Variants in EPHB2 observed in about 807,000 individuals in gnomAD.
EPHB2 encodes the protein ephrin type-B receptor 2.
EPHB2 carries 18 observed loss-of-function variants against 96.4 expected under a neutral mutation model. The ratio of observed to expected loss-of-function variants is 0.19; its 90% CI spans 0.13 to 0.28. The LOEUF (loss-of-function observed/expected upper bound fraction) is 0.28, where lower values mean the gene tolerates loss of function less well. Ranked by LOEUF, EPHB2 falls within the 10% of genes least tolerant of loss-of-function variation. The pLI is 1.00. For synonymous variants in EPHB2, 506 were observed against 534.1 expected (o/e 0.95, Z 0.72); for missense variants, 989 against 1,355.4 (o/e 0.73, Z 4.25).
chr1:22,816,801 A>G (rs1012631792), intron 3 of EPHB2, among the ~76,000 whole-genome samples: 2 of 152,220 alleles, frequency 1.3e-5, no homozygotes, highest in Non-Finnish European at 2.9e-5. Flanking sequence ...TGATGAGGCT[A>G]ATGGTGGCTG....
rs1257930415 is a variant in EPHB2, at chr1:22,906,786, C to G, written c.1965C>G (p.Leu655=). 6.2e-7 allele frequency: 1 copy of G among 1,614,106 alleles called. No homozygotes were observed. Among genetic ancestry groups the G allele is most frequent in the East Asian group, 2.2e-5 (1 of 44,888 alleles). The change falls in exon 11 of 16, where the codon CTC becomes CTG. Residue 655 remains leucine, a synonymous_variant. Transcript: ENST00000374630. This position sits in a 1 kb window ranked among gnomAD's most constrained non-coding sequence, Gnocchi z 4.8. Reference sequence around the variant, plus strand: ...AGATCTTTGTGGCCATCAAGACGCTCAAGTCGGGCTACACGGAGAAGCAGC... The same window carrying G: ...AGATCTTTGTGGCCATCAAGACGCTGAAGTCGGGCTACACGGAGAAGCAGC... ...KREIFVAIKT[L]KSGYTEKQRR...
chr1:22,733,191 G>A lies in EPHB2; in HGVS notation c.61+22148G>A, dbSNP rs941089107. The stretch of plus-strand genomic sequence containing the variant: ...AGCCTCCTGAGTAGCTGGGATTACA[G>A]GTGCCTGCCACCACGCCTGGCTGAT... On this transcript the variant is annotated intron_variant, in intron 1 of 15. Transcript: ENST00000374630. This position sits in a 1 kb window ranked among gnomAD's most constrained non-coding sequence, Gnocchi z 4.6. Among the ~76,000 whole-genome samples the A allele has an allele frequency of 1.3e-5, 2 of 152,160 alleles. No individual in the cohort carries two copies. Among genetic ancestry groups the A allele is most frequent in the South Asian group, 2.1e-4 (1 of 4,832 alleles).
At chr1:22,828,373 C>A (rs1645254760) in intron 3 of EPHB2, among the ~76,000 whole-genome samples, 1 of 152,146 alleles carries the variant, frequency 6.6e-6, no homozygotes, top group Non-Finnish European at 1.5e-5. Flanking sequence ...GCATCCGGGC[C>A]CCTCCAGCTC....
Position 22,906,575 on chromosome 1 carries a change from G to A in EPHB2, c.1889-135G>A, listed in dbSNP as rs1356183070. The A allele has an allele frequency of 7.3e-7, 1 of 1,375,584 alleles. No homozygotes were observed. Among genetic ancestry groups the A allele is most frequent in the African/African-American group, 1.4e-5 (1 of 69,970 alleles). 85.2% of individuals were successfully genotyped at this position (1,375,584 alleles called of 1,614,324 possible). On this transcript the variant is annotated intron_variant, in intron 10 of 15. Transcript: ENST00000374630. The surrounding 1 kb of genome is among the most constrained non-coding windows in gnomAD (Gnocchi z 4.8). ...CCCCTGACATTCTTGAAGGGGTTCT[G>A]TGTCTGCAAGGATGAGTGGGCCATT... is the stretch of plus-strand genomic sequence containing the variant.
chr1:22,901,815 G>A (rs1449893043), intron 9 of EPHB2, among the ~76,000 whole-genome samples: 1 of 132,500 alleles, frequency 7.5e-6, no homozygotes, highest in Non-Finnish European at 1.6e-5. Context: ...GTGTGTGTGT[G>A]TGTGAGTGTG....
At chr1:22,740,552 C>T (rs1374414488) in intron 1 of EPHB2, among the ~76,000 whole-genome samples, 4 of 152,168 alleles carry the variant, frequency 2.6e-5, no homozygotes, top group Admixed American at 6.5e-5. Flanking sequence ...ATCATCACTG[C>T]GACAACCACA....
chr1:22,762,929 G>T (rs940623649), intron 1 of EPHB2, among the ~76,000 whole-genome samples: 4 of 152,192 alleles, frequency 2.6e-5, no homozygotes, highest in Non-Finnish European at 5.9e-5. Flanking sequence ...TTCCTCCCTC[G>T]TGGGTCCAGC....
chr1:22,746,870 C>A (rs1184256694), intron 1 of EPHB2, among the ~76,000 whole-genome samples: 1 of 144,910 alleles, frequency 6.9e-6, no homozygotes. Context: ...TGACCTGTGA[C>A]CCCCCGGGGG....
intron 3 of EPHB2, among the ~76,000 whole-genome samples, chr1:22,805,527 AC>A (rs1302185349): frequency 2.6e-5 from 4 of 151,722 alleles, no homozygotes; most frequent in African/African-American, 9.7e-5. Context: ...GGATGCTCTC[AC>A]CCTCTGCCCC....
At chr1:22,728,951 C>T (rs1395512597) in intron 1 of EPHB2, among the ~76,000 whole-genome samples, 1 of 152,218 alleles carries the variant, frequency 6.6e-6, no homozygotes, top group South Asian at 2.1e-4. Flanking sequence ...TCCCAAGGTG[C>T]GAGGTTCCAG....
chr1:22,888,450 C>A (rs1407845283), intron 6 of EPHB2, among the ~76,000 whole-genome samples: 1 of 152,170 alleles, frequency 6.6e-6, no homozygotes, highest in African/African-American at 2.4e-5. Flanking sequence ...CCTTTTAAAT[C>A]TCCAAAACCA....
intron 5 of EPHB2, among the ~76,000 whole-genome samples, chr1:22,877,621 A>G (rs141790715): frequency 6.6e-6 from 1 of 152,206 alleles, no homozygotes; most frequent in Non-Finnish European, 1.5e-5. Flanking sequence ...GTATATAAAG[A>G]GTGTAGCCCA....
intron 1 of EPHB2, among the ~76,000 whole-genome samples, chr1:22,760,635 C>T (rs1015612903): frequency 1.3e-5 from 2 of 152,122 alleles, no homozygotes; most frequent in African/African-American, 2.4e-5. Context: ...ATCCCCTGTC[C>T]GGGAGGGTGA....
At chr1:22,877,344 G>A (rs1018142911) in intron 5 of EPHB2, among the ~76,000 whole-genome samples, 3 of 152,220 alleles carry the variant, frequency 2.0e-5, no homozygotes, top group Non-Finnish European at 2.9e-5. Flanking sequence ...GTGAGTTAAC[G>A]GATGTGAAGC....
At chr1:22,831,212 G>A (rs933879256) in intron 3 of EPHB2, among the ~76,000 whole-genome samples, 2 of 152,160 alleles carry the variant, frequency 1.3e-5, no homozygotes, top group African/African-American at 4.8e-5. Flanking sequence ...TGCAGGGATG[G>A]TGATGGGCAT....
rs1185326351 is a variant in EPHB2, at chr1:22,764,708, C to T, written c.62-16713C>T. On this transcript the variant is annotated intron_variant, in intron 1 of 15. Transcript: ENST00000374630. ...TTGCAGAAAGCCGAGATTGCACCAC[C>T]GCACTCCAGCCTGGGCAACTCTCAA... Among the ~76,000 whole-genome samples the T allele has an allele frequency of 5.3e-5, 8 of 151,648 alleles. No homozygotes were observed. The South Asian group carries it at 8.4e-4, about 16-fold the overall frequency.
At chr1:22,805,791 G>A (rs28554002) in intron 3 of EPHB2, among the ~76,000 whole-genome samples, 1 of 152,162 alleles carries the variant, frequency 6.6e-6, no homozygotes, top group African/African-American at 2.4e-5. Flanking sequence ...TGCCTGCCAG[G>A]GGGGCTGCAG....
chr1:22,756,732 C>CT (rs1437523643), intron 1 of EPHB2, among the ~76,000 whole-genome samples: 1 of 152,198 alleles, frequency 6.6e-6, no homozygotes, highest in Non-Finnish European at 1.5e-5. Context: ...AAGGCGGCAC[C>CT]TGCTGCCTCA....
At chr1:22,738,883 G>A (rs1026389520) in intron 1 of EPHB2, among the ~76,000 whole-genome samples, 3 of 152,154 alleles carry the variant, frequency 2.0e-5, no homozygotes, top group African/African-American at 7.2e-5. Flanking sequence ...GTCCTTGAAC[G>A]GTTTGGACCT....
Sources: gnomAD v4.1 joint callset for allele counts (sites outside exome capture counted in the v4.1 genomes callset) on GRCh38, gnomAD v4.1.1 for gene constraint, Gnocchi (gnomAD v3.1) non-coding constraint, MANE v1.5 for transcripts, NCBI Gene and HGNC (gene_info 2026-07-23, HGNC 2026-07-21) for gene names.